Variants in MCU observed in about 807,000 individuals in gnomAD.
MCU encodes mitochondrial calcium uniporter, also known as calcium uniporter protein, mitochondrial.
A neutral mutation model predicts 45.2 loss-of-function variants in MCU; 12 were observed. The observed-to-expected ratio is 0.27, with a 90% CI of 0.17 to 0.43. The LOEUF (loss-of-function observed/expected upper bound fraction) is 0.43, where lower values mean the gene tolerates loss of function less well. MCU is among the 20% of genes least tolerant of loss of function. MCU has a pLI of 1.00. For missense variants in MCU, 324 were observed against 436.7 expected, an observed-to-expected ratio of 0.74 and a Z score of 2.30; for synonymous variants, 160 against 165.1, an observed-to-expected ratio of 0.97 and a Z score of 0.24.
chr10:72,859,212 A>T lies in MCU; in HGVS notation c.256A>T (p.Ile86Leu). The part of the protein sequence containing the change: ...TVVYQNGLPV[I>L]SVRLPSRRER... ...GGTTTATCAAAATGGGTTACCTGTG[A>T]TATCTGTGAGGCTACCATCCCGGCG... The change falls in exon 3 of 8, where the codon ATA (isoleucine) becomes TTA (leucine). Residue 86 changes from isoleucine to leucine, a missense_variant. This residue lies in a region of MCU where 111 missense variants were observed against 112.3 expected (regional missense o/e 0.99). Coordinates refer to ENST00000373053, the MANE Select transcript of MCU (RefSeq NM_138357.3). 1.2e-6 allele frequency: 2 copies of T among 1,610,352 alleles called. No individual in the cohort carries two copies. The highest frequency in any genetic ancestry group is 1.7e-6 in the Non-Finnish European group (2 of 1,178,450).
intron 2 of MCU, among the ~76,000 whole-genome samples, chr10:72,852,240 G>C (rs558234434): frequency 6.6e-6 from 1 of 152,246 alleles, no homozygotes; most frequent in South Asian, 2.1e-4. Flanking sequence ...GATTCTTTTA[G>C]AACAAGAAGG....
intron 1 of MCU, among the ~76,000 whole-genome samples, chr10:72,769,083 G>A (rs1843769232): frequency 6.6e-6 from 1 of 151,880 alleles, no homozygotes; most frequent in Non-Finnish European, 1.5e-5. Context: ...CTACCTTCTG[G>A]GCTCAAGTGA....
In MCU at chr10:72,773,416, G is replaced by A. The variant is rs116041393; in HGVS notation, c.151-60943G>A. Among the ~76,000 whole-genome samples, 1,081 of 152,146 alleles carry A rather than the reference G, an allele frequency of 7.1e-3. 19 individuals are homozygous for A. The highest frequency in any genetic ancestry group is 0.025 in the African/African-American group (1,032 of 41,510). ...AGAGAAAATAGTGAACTTGAAGATG[G>A]GCTATTTGAAAATATACAGTCAGTG... On this transcript the variant is annotated intron_variant, in intron 1 of 7. Coordinates refer to ENST00000373053, the MANE Select transcript of MCU (RefSeq NM_138357.3).
At chr10:72,728,683 T>C (rs915320379) in intron 1 of MCU, among the ~76,000 whole-genome samples, 1 of 152,038 alleles carries the variant, frequency 6.6e-6, no homozygotes, top group Non-Finnish European at 1.5e-5. Flanking sequence ...AGGGGGAGTA[T>C]AGTATGAGAT....
At chr10:72,756,174 A>T (rs1456830702) in intron 1 of MCU, among the ~76,000 whole-genome samples, 1 of 152,070 alleles carries the variant, frequency 6.6e-6, no homozygotes, top group Non-Finnish European at 1.5e-5. Context: ...TTTATTAGAT[A>T]CAGGGTTTTG....
At chr10:72,869,671 T>C (rs1320365119) in intron 5 of MCU, among the ~76,000 whole-genome samples, 2 of 152,198 alleles carry the variant, frequency 1.3e-5, no homozygotes, top group Non-Finnish European at 2.9e-5. Context: ...ATATAATGAC[T>C]ATATAGCATT....
chr10:72,793,782 A>G (rs1218524356), intron 1 of MCU, among the ~76,000 whole-genome samples: 2 of 152,084 alleles, frequency 1.3e-5, no homozygotes, highest in Admixed American at 1.3e-4. Flanking sequence ...AAGCATCCCA[A>G]AAGATCCGGG....
intron 1 of MCU, among the ~76,000 whole-genome samples, chr10:72,820,529 C>T (rs561090890): frequency 4.0e-4 from 60 of 149,388 alleles, no homozygotes; most frequent in Non-Finnish European, 7.1e-4. Context: ...TTTTTTTTTC[C>T]GAAACGGAGT....
At chr10:72,737,521 C>CTT (rs796167474) in intron 1 of MCU, among the ~76,000 whole-genome samples, 9 of 136,436 alleles carry the variant, frequency 6.6e-5, no homozygotes, top group South Asian at 4.7e-4. Context: ...TTTTTCTTTC[C>CTT]TTTTTTTTTT....
chr10:72,756,341 T>A (rs1464445379), intron 1 of MCU: 2 of 152,194 alleles, frequency 1.3e-5, no homozygotes, highest in Non-Finnish European at 2.9e-5. Context: ...TTGGAAACAA[T>A]ACTATTTGTA....
At chr10:72,719,662 T>C (rs756208743) in intron 1 of MCU, among the ~76,000 whole-genome samples, 17 of 152,234 alleles carry the variant, frequency 1.1e-4, no homozygotes, top group Non-Finnish European at 2.2e-4. Context: ...ACAGAGCTCT[T>C]TTTGTGATTT....
chr10:72,877,181 A>G (rs79749097), intron 6 of MCU, among the ~76,000 whole-genome samples: 12,704 of 152,152 alleles, frequency 0.083, 754 homozygotes, highest in East Asian at 0.25. Context: ...CAGCCTCTCA[A>G]AATACTAGGA....
intron 1 of MCU, among the ~76,000 whole-genome samples, chr10:72,799,072 G>T (rs1174773484): frequency 6.6e-6 from 1 of 151,798 alleles, no homozygotes; most frequent in Non-Finnish European, 1.5e-5. Context: ...GACTATAGGC[G>T]CCCGCCACCA....
rs1329687577 is a variant in MCU at position 72,775,002 on chromosome 10, A to G, written c.151-59357A>G. Among the ~76,000 whole-genome samples the G allele has an allele frequency of 2.0e-5, 3 of 152,162 alleles. No homozygotes were observed. The East Asian group carries it at 5.8e-4, about 29-fold the overall frequency. On this transcript the variant is annotated intron_variant, in intron 1 of 7. Transcript: ENST00000373053. ...AGTAATGGGCAGATCATCCAGACAG[A>G]AAAATCAAGAAACATCTGAGTTAAA...
intron 1 of MCU, among the ~76,000 whole-genome samples, chr10:72,738,696 G>A (rs1367573578): frequency 6.6e-6 from 1 of 152,210 alleles, no homozygotes; most frequent in Admixed American, 6.5e-5. Flanking sequence ...AAAATCCTGT[G>A]TTGCCTGTTG....
chr10:72,779,632 G>C (rs1352853022), intron 1 of MCU, among the ~76,000 whole-genome samples: 1 of 152,160 alleles, frequency 6.6e-6, no homozygotes, highest in Non-Finnish European at 1.5e-5. Flanking sequence ...GATTTGAAAT[G>C]ACATTTCTAT....
intron 1 of MCU, among the ~76,000 whole-genome samples, chr10:72,790,858 A>T (rs1844147907): frequency 6.6e-6 from 1 of 152,184 alleles, no homozygotes; most frequent in Non-Finnish European, 1.5e-5. Flanking sequence ...TTAAATCATA[A>T]TAGTGCTTTT....
chr10:72,800,433 A>G (rs1844321286), intron 1 of MCU, among the ~76,000 whole-genome samples: 1 of 152,220 alleles, frequency 6.6e-6, no homozygotes. Flanking sequence ...TTCAAAATCC[A>G]AAGAATTTTG....
At chr10:72,707,005 T>C (rs1842830111) in intron 1 of MCU, among the ~76,000 whole-genome samples, 2 of 149,346 alleles carry the variant, frequency 1.3e-5, no homozygotes, top group South Asian at 2.1e-4. Context: ...AATTTTTGTA[T>C]TTTTAGTAGA....
Sources: allele counts gnomAD v4.1 joint callset (sites outside exome capture counted in the v4.1 genomes callset), GRCh38; gene constraint gnomAD v4.1.1; regional missense constraint gnomAD v4.1.1; transcripts MANE v1.5; gene names NCBI Gene and HGNC (gene_info 2026-07-23, HGNC 2026-07-21).